Variants in FGF13 observed in about 807,000 individuals in gnomAD.
The protein encoded by FGF13 is fibroblast growth factor 13.
FGF13 carries 2 observed loss-of-function variants against 19.5 expected under a neutral mutation model. The observed-to-expected ratio is 0.10, with a 90% CI of 0.04 to 0.32. The LOEUF (loss-of-function observed/expected upper bound fraction) is 0.32, where lower values mean the gene tolerates loss of function less well. Among genes scored for constraint, FGF13 ranks in the 10% least tolerant of loss-of-function variants. The probability of loss-of-function intolerance (pLI) is 1.00; values close to 1 mark genes in which losing one functional copy is unlikely to be tolerated. For missense variants in FGF13, 113 were observed against 192.7 expected (o/e 0.59, Z 2.45); for synonymous variants, 72 against 76.9 (o/e 0.94, Z 0.33).
chrX:138,999,016 T>G (rs1015619549), intron 1 of FGF13, among the ~76,000 whole-genome samples: 4 of 111,852 alleles, frequency 3.6e-5, no homozygotes, highest in African/African-American at 1.3e-4. Flanking sequence ...AAATTAGAAC[T>G]CAGGATTAAG....
intron 1 of FGF13, among the ~76,000 whole-genome samples, chrX:139,002,509 A>T (rs754725217): frequency 9.9e-5 from 11 of 111,323 alleles, no homozygotes; most frequent in Non-Finnish European, 2.1e-4. Context: ...CAGTAGACTC[A>T]GGGGGATATG....
chrX:139,075,999 C>T (rs1448620486), intron 1 of FGF13, among the ~76,000 whole-genome samples: 1 of 13,552 alleles, frequency 7.4e-5, no homozygotes, highest in Non-Finnish European at 1.3e-4. Flanking sequence ...CCCGCCACCG[C>T]GCCCGGCTAA....
chrX:139,163,603 G>A (rs2084054370), intron 1 of FGF13, among the ~76,000 whole-genome samples: 1 of 110,989 alleles, frequency 9.0e-6, no homozygotes, highest in African/African-American at 3.3e-5. Flanking sequence ...GGATAGTGAG[G>A]GAGTCCTGGT....
chrX:139,146,907 G>A (rs1472124464), intron 1 of FGF13, among the ~76,000 whole-genome samples: 2 of 108,083 alleles, frequency 1.9e-5, no homozygotes, highest in African/African-American at 6.8e-5. Flanking sequence ...CTCATAGGTG[G>A]GAATTGAACA....
intron 1 of FGF13, among the ~76,000 whole-genome samples, chrX:139,062,265 C>A (rs2092338913): frequency 9.0e-6 from 1 of 111,378 alleles, no homozygotes; most frequent in African/African-American, 3.3e-5. Flanking sequence ...GATCTTGTTT[C>A]ATTTTTTTGC....
chrX:138,936,874 G>A (rs983660845), intron 1 of FGF13, among the ~76,000 whole-genome samples: 3 of 111,764 alleles, frequency 2.7e-5, no homozygotes, highest in Non-Finnish European at 5.6e-5. Flanking sequence ...GAATGTTATA[G>A]GGTAAAGATT....
intron 1 of FGF13, among the ~76,000 whole-genome samples, chrX:138,895,527 A>G (rs1384350528): frequency 8.9e-6 from 1 of 112,185 alleles, no homozygotes; most frequent in African/African-American, 3.2e-5. Flanking sequence ...GGTCATTATC[A>G]CATAGATAAG....
intron 1 of FGF13, among the ~76,000 whole-genome samples, chrX:138,930,879 T>G (rs368926625): frequency 1.8e-5 from 2 of 112,328 alleles, no homozygotes; most frequent in Admixed American, 9.4e-5. Context: ...AAGCACTTGA[T>G]GTATCCCTAG....
At chrX:138,841,511 T>C in intron 3 of FGF13, among the ~76,000 whole-genome samples, 1 of 110,524 alleles carries the variant, frequency 9.0e-6, no homozygotes, top group Non-Finnish European at 1.9e-5. Context: ...CCAATCCTTT[T>C]TAAAAATTTT....
chrX:139,002,674 C>T (rs1011922516), intron 1 of FGF13, among the ~76,000 whole-genome samples: 1 of 111,283 alleles, frequency 9.0e-6, no homozygotes, highest in Non-Finnish European at 1.9e-5. Context: ...TCTTGCATCA[C>T]GGATACCAGC....
chrX:138,694,058 T>C (rs2089865586), intron 3 of FGF13, among the ~76,000 whole-genome samples: 1 of 112,312 alleles, frequency 8.9e-6, no homozygotes. Flanking sequence ...AATTGATCAA[T>C]GAGTTCATCT....
chrX:138,880,676 G>A (rs897138982), intron 1 of FGF13, among the ~76,000 whole-genome samples: 1 of 111,832 alleles, frequency 8.9e-6, no homozygotes, highest in Non-Finnish European at 1.9e-5. Context: ...CGCAGCACCT[G>A]TTAAAGAAAC....
Position 138,617,454 on chromosome X carries a change from C to G in FGF13, c.*15396G>C, listed in dbSNP as rs1255158829. ...TGCAACCGTAAGTTGGAGATTGTAT[C>G]AAATTTGTTAGAGGTGTGGACCAAG... On this transcript the variant is annotated 3_prime_UTR_variant, in exon 5 of 5. Transcript: ENST00000315930. 8.9e-6 allele frequency: 1 copy of G among 111,907 alleles called. No individual in the cohort carries two copies. The allele number at this position is 111,907 out of a possible 1,213,427, so 9.2% of individuals were successfully genotyped here. A position where few individuals can be genotyped will look rare whatever the true frequency, so the allele number is the denominator to read the frequency against.
Position 138,678,604 on chromosome X carries a change from G to A in FGF13, c.402+24380C>T, listed in dbSNP as rs749066007. ...ATTTGTGCACATTTACAACTGAACC[G>A]TAGATTTTTTTATTGTTACACAGGT... On this transcript the variant is annotated intron_variant, in intron 3 of 4. Transcript: ENST00000315930. 9.9e-5 allele frequency among the ~76,000 whole-genome samples: 11 copies of A among 111,375 alleles called. No homozygotes were observed. In the South Asian group the frequency reaches 1.9e-3, roughly 19 times the overall value.
chrX:139,139,323 G>A (rs1027320564), intron 1 of FGF13, among the ~76,000 whole-genome samples: 2 of 112,068 alleles, frequency 1.8e-5, no homozygotes, highest in African/African-American at 6.5e-5. Context: ...AGAACTGTAT[G>A]AAATGCCCAA....
At chrX:139,095,442 T>G (rs777804845) in intron 1 of FGF13, among the ~76,000 whole-genome samples, 5 of 111,836 alleles carry the variant, frequency 4.5e-5, no homozygotes, top group African/African-American at 1.6e-4. Context: ...GGGCAGAGGT[T>G]ACTCACATAA....
chrX:138,676,737 C>T (rs2089671191), intron 3 of FGF13, among the ~76,000 whole-genome samples: 1 of 111,766 alleles, frequency 8.9e-6, no homozygotes, highest in African/African-American at 3.3e-5. Flanking sequence ...AAGGTTCAGG[C>T]TTCTATGAGA....
rs141211159 is a variant in FGF13 at position 138,799,798 on chromosome X, C to T, written c.217+57714G>A. ...GCATATATATTTAGGATAGTTAGCT[C>T]TTCTTGTTGCATTGATCCCTTTACC... On this transcript the variant is annotated intron_variant, in intron 3 of 6. Transcript: ENST00000436198. 6.6e-3 allele frequency among the ~76,000 whole-genome samples: 739 copies of T among 111,636 alleles called. 7 individuals carry two copies. Among genetic ancestry groups the T allele is most frequent in the Non-Finnish European group, 9.1e-3 (483 of 53,067 alleles).
At chrX:138,772,702 A>G (rs748980118) in intron 3 of FGF13, among the ~76,000 whole-genome samples, 12 of 111,560 alleles carry the variant, frequency 1.1e-4, no homozygotes, top group East Asian at 8.5e-4. Flanking sequence ...GAACTCTACC[A>G]TAAGATGATT....
Sources: allele counts gnomAD v4.1 joint callset (sites outside exome capture counted in the v4.1 genomes callset), GRCh38; gene constraint gnomAD v4.1.1; transcripts MANE v1.5; gene names NCBI Gene and HGNC (gene_info 2026-07-23, HGNC 2026-07-21).